The following AIG1 variants were observed in gnomAD, a reference collection of about 807,000 sequenced individuals.
The protein encoded by AIG1 is androgen-induced gene 1 protein.
Under a neutral mutation model 31.4 loss-of-function variants are expected in AIG1, and 23 were observed. The ratio of observed to expected loss-of-function variants is 0.73; its 90% CI spans 0.53 to 1.04. The LOEUF (loss-of-function observed/expected upper bound fraction) is 1.04, where lower values mean the gene tolerates loss of function less well. Among genes scored for constraint, AIG1 ranks in the 50% least tolerant of loss-of-function variants. The pLI is 0.00. For synonymous variants in AIG1, 100 were observed against 110.5 expected (o/e 0.90, Z 0.60); for missense variants, 274 against 295.0 (o/e 0.93, Z 0.52).
At chr6:143,137,062 A>G in intron 2 of AIG1, 72 bp downstream of exon 2, 3 of 1,304,518 alleles carry the variant, frequency 2.3e-6, no homozygotes, top group Non-Finnish European at 2.0e-6. Flanking sequence ...AAGAGAAAAA[A>G]AAAGAGTTCA....
chr6:143,221,583 T>C (rs1172386155), intron 3 of AIG1, among the ~76,000 whole-genome samples: 1 of 152,216 alleles, frequency 6.6e-6, no homozygotes, highest in Non-Finnish European at 1.5e-5. Flanking sequence ...CAAGAATTGT[T>C]CTAAATCTTT....
At chr6:143,069,522 C>T (rs1777057939) in intron 1 of AIG1, among the ~76,000 whole-genome samples, 1 of 152,168 alleles carries the variant, frequency 6.6e-6, no homozygotes, top group Non-Finnish European at 1.5e-5. Context: ...TTCAGCCATT[C>T]TAATAGGTGT....
chr6:143,287,263 A>G (rs1381734718), intron 4 of AIG1, among the ~76,000 whole-genome samples: 9 of 152,120 alleles, frequency 5.9e-5, no homozygotes, highest in Admixed American at 3.3e-4. Flanking sequence ...AGGAATCATA[A>G]TGGGTACCAT....
Position 143,333,188 on chromosome 6 carries a change from G to A in AIG1, c.516-94G>A. ...GAGACTGGCAAATGCTGAAGCATGG[G>A]GAGAGTGAGGGAGTGTATATTTGCA... On this transcript the variant is annotated intron_variant, in intron 4 of 5. Coordinates refer to ENST00000357847, the MANE Select transcript of AIG1 (RefSeq NM_016108.4). This position sits in a 1 kb window ranked among gnomAD's most constrained non-coding sequence, Gnocchi z 4.6. The A allele has an allele frequency of 8.0e-7, 1 of 1,244,958 alleles. No individual in the cohort carries two copies. The highest frequency in any genetic ancestry group is 1.1e-6 in the Non-Finnish European group (1 of 933,744). 77.1% of individuals were successfully genotyped at this position (1,244,958 alleles called of 1,614,324 possible). A position where few individuals can be genotyped will look rare whatever the true frequency, so the allele number is the denominator to read the frequency against.
At chr6:143,250,078 G>T (rs895026558) in intron 3 of AIG1, among the ~76,000 whole-genome samples, 4 of 152,254 alleles carry the variant, frequency 2.6e-5, no homozygotes. Flanking sequence ...CCTGCCCGGA[G>T]CAAGGCAGAC....
intron 3 of AIG1, among the ~76,000 whole-genome samples, chr6:143,180,142 T>C (rs1053267742): frequency 1.3e-5 from 2 of 152,250 alleles, no homozygotes; most frequent in Non-Finnish European, 2.9e-5. Context: ...CAGGTGGCCA[T>C]GGACAGTTGT....
rs1779851398 is a variant in AIG1, at chr6:143,096,949, CAT to C, written c.141+35884_141+35885del. On this transcript the variant is annotated intron_variant, in intron 1 of 5. Coordinates refer to ENST00000357847, the MANE Select transcript of AIG1 (RefSeq NM_016108.4). The stretch of plus-strand genomic sequence containing the variant: ...TTAAAATGATTTTTTCCATCTTATA[CAT>C]TTAATTTTTCTATATATTAGCACAA... Among the ~76,000 whole-genome samples, 5 of 134,650 alleles carry C rather than the reference CAT, an allele frequency of 3.7e-5. No homozygotes were observed. In the South Asian group the frequency reaches 1.7e-3, roughly 46 times the overall value. The allele number at this position is 134,650 out of a possible 152,430, so 88.3% of individuals were successfully genotyped here.
chr6:143,184,812 A>T (rs1789081537), intron 3 of AIG1, among the ~76,000 whole-genome samples: 1 of 152,112 alleles, frequency 6.6e-6, no homozygotes. Context: ...TCCCATCCTC[A>T]TCTTATCTTT....
chr6:143,087,296 GT>G (rs1778884873), intron 1 of AIG1, among the ~76,000 whole-genome samples: 1 of 152,208 alleles, frequency 6.6e-6, no homozygotes, highest in South Asian at 2.1e-4. Flanking sequence ...CTCACCTGGG[GT>G]TCTTGGCCTC....
chr6:143,083,968 T>A (rs1208503664), intron 1 of AIG1, among the ~76,000 whole-genome samples: 2 of 152,076 alleles, frequency 1.3e-5, no homozygotes, highest in Non-Finnish European at 2.9e-5. Flanking sequence ...TAGAAAGGCA[T>A]GTGAAAAGAG....
At chr6:143,152,799 C>CA (rs1331197768) in intron 2 of AIG1, among the ~76,000 whole-genome samples, 8 of 152,176 alleles carry the variant, frequency 5.3e-5, no homozygotes, top group African/African-American at 1.9e-4. Context: ...ACCACCTTGC[C>CA]AACCAGACCC....
intron 3 of AIG1, among the ~76,000 whole-genome samples, chr6:143,213,929 G>A (rs1338985231): frequency 6.6e-6 from 1 of 152,024 alleles, no homozygotes; most frequent in Non-Finnish European, 1.5e-5. Flanking sequence ...AATTCTTATG[G>A]CTCTCCATAT....
At chr6:143,091,836 G>A (rs1779333068) in intron 1 of AIG1, among the ~76,000 whole-genome samples, 1 of 152,162 alleles carries the variant, frequency 6.6e-6, no homozygotes, top group Non-Finnish European at 1.5e-5. Context: ...ACATGCATAA[G>A]ATGAAATGTA....
chr6:143,066,158 G>A (rs143857368), intron 1 of AIG1, among the ~76,000 whole-genome samples: 1 of 152,258 alleles, frequency 6.6e-6, no homozygotes, highest in Non-Finnish European at 1.5e-5. Flanking sequence ...AAGATCATCA[G>A]GTGATTTCTA....
intron 2 of AIG1, among the ~76,000 whole-genome samples, chr6:143,147,938 T>G (rs952742375): frequency 6.6e-6 from 1 of 152,180 alleles, no homozygotes; most frequent in African/African-American, 2.4e-5. Context: ...TTATTTAATC[T>G]TCACATCCCC....
In AIG1 at chr6:143,299,880, T is replaced by C. The variant is rs1457661021; in HGVS notation, c.515+15655T>C. Among the ~76,000 whole-genome samples the C allele has an allele frequency of 1.3e-5, 2 of 152,188 alleles. No homozygotes were observed. The highest frequency in any genetic ancestry group is 2.9e-5 in the Non-Finnish European group (2 of 68,038). On this transcript the variant is annotated intron_variant, in intron 4 of 5. Transcript: ENST00000357847. This position sits in a 1 kb window ranked among gnomAD's most constrained non-coding sequence, Gnocchi z 4.1. ...GAGTCTGAGATCAGATGTCACATCC[T>C]CCAGAAGCTTTCCCTGACATTCTGA...
In AIG1 at chr6:143,101,774, G is replaced by A. The variant is rs531020246; in HGVS notation, c.142-35061G>A. On this transcript the variant is annotated intron_variant, in intron 1 of 5. Coordinates refer to ENST00000357847, the MANE Select transcript of AIG1 (RefSeq NM_016108.4). ...CCATTAAAGAACTTATTCATGTAACGAAATGCCACCTGTTCCCCCAAAACC... is the reference window on the plus strand; with the variant it reads ...CCATTAAAGAACTTATTCATGTAACAAAATGCCACCTGTTCCCCCAAAACC... 3.3e-5 allele frequency among the ~76,000 whole-genome samples: 5 copies of A among 152,130 alleles called. No homozygotes were observed. The South Asian group carries it at 6.2e-4, about 19-fold the overall frequency.
intron 2 of AIG1, among the ~76,000 whole-genome samples, chr6:143,152,583 G>A (rs1392459007): frequency 1.3e-5 from 2 of 152,194 alleles, no homozygotes; most frequent in Non-Finnish European, 2.9e-5. Context: ...GAGCGTGAAA[G>A]AAGCCTTGCT....
downstream of AIG1, chr6:143,343,373 G>A (rs1236304218): frequency 7.0e-6 from 4 of 571,006 alleles, no homozygotes; most frequent in Admixed American, 5.8e-5. Flanking sequence ...ACAAGAGGTG[G>A]CTCTAAGTAA....
Sources: allele counts gnomAD v4.1 joint callset (sites outside exome capture counted in the v4.1 genomes callset), GRCh38; gene constraint gnomAD v4.1.1; non-coding constraint Gnocchi (gnomAD v3.1); transcripts MANE v1.5; gene names NCBI Gene and HGNC (gene_info 2026-07-23, HGNC 2026-07-21).